The following ADAM2 variants were observed in gnomAD, a reference collection of about 807,000 sequenced individuals.
ADAM2 encodes the protein ADAM metallopeptidase domain 2.
Under a neutral mutation model 99.3 loss-of-function variants are expected in ADAM2, and 101 were observed. The observed-to-expected ratio is 1.02, with a 90% CI of 0.87 to 1.20. The LOEUF is 1.20. Ranked by LOEUF, ADAM2 falls within the 50% of genes most tolerant of loss-of-function variation. ADAM2 has a pLI of 0.00. For synonymous variants in ADAM2, 323 were observed against 287.6 expected (o/e 1.12, Z -1.25); for missense variants, 948 against 878.7 (o/e 1.08, Z -1.00).
intron 15 of ADAM2, among the ~76,000 whole-genome samples, chr8:39,756,985 T>C (rs192640934): frequency 1.3e-5 from 2 of 152,352 alleles, no homozygotes; most frequent in African/African-American, 4.8e-5. Flanking sequence ...TGACTATTGC[T>C]TCTTTAGCAA....
At chr8:39,835,963 A>AT (rs1314641432) in intron 2 of ADAM2, among the ~76,000 whole-genome samples, 1 of 151,878 alleles carries the variant, frequency 6.6e-6, no homozygotes, top group African/African-American at 2.4e-5. Context: ...CCCTTGCACT[A>AT]TTTTTTTGTT....
chr8:39,811,491 C>T (rs1478656939), intron 6 of ADAM2, among the ~76,000 whole-genome samples: 16 of 152,176 alleles, frequency 1.1e-4, no homozygotes, highest in Non-Finnish European at 7.3e-5. Context: ...AAATTTTAGA[C>T]CAATATTCCT....
chr8:39,747,811 TAA>T (rs1823535552), intron 18 of ADAM2, among the ~76,000 whole-genome samples: 1 of 152,176 alleles, frequency 6.6e-6, no homozygotes. Context: ...CACTTCATAA[TAA>T]TGGTTTCACT....
Position 39,746,470 on chromosome 8 carries a change from A to G in ADAM2, c.2174+2T>C, listed in dbSNP as rs374059159. 2.3e-5 allele frequency: 36 copies of G among 1,548,316 alleles called. No individual in the cohort carries two copies. The highest frequency in any genetic ancestry group is 3.0e-5 in the Non-Finnish European group (34 of 1,150,564). On this transcript the variant is annotated splice_donor_variant, in intron 19 of 20. Transcript: ENST00000265708. LOFTEE classifies it high-confidence loss of function. ...CAAATCTTAAATATGAAATCAATATACTCATCGCTTGAATAGTCCTCAGTT... is the reference window on the plus strand; with the variant it reads ...CAAATCTTAAATATGAAATCAATATGCTCATCGCTTGAATAGTCCTCAGTT...
At chr8:39,797,109 A>G (rs1803993900) in intron 7 of ADAM2, among the ~76,000 whole-genome samples, 2 of 152,140 alleles carry the variant, frequency 1.3e-5, no homozygotes, top group Admixed American at 1.3e-4. Context: ...TATTTTTGTC[A>G]AGAAGTCTTC....
chr8:39,749,337 A>G lies in ADAM2; in HGVS notation c.1989T>C (p.Pro663=), dbSNP rs373476845. 6.2e-7 allele frequency: 1 copy of G among 1,612,836 alleles called. No homozygotes were observed. The highest frequency in any genetic ancestry group is 1.3e-5 in the African/African-American group (1 of 74,880). The change falls in exon 18 of 21, where the codon CCT becomes CCC. Residue 663 remains proline (P), a synonymous_variant. Transcript: ENST00000265708. The stretch of plus-strand genomic sequence containing the variant: ...CAGGGAGTCTGGCTGGTATAGCTAC[A>G]GGTGGAAAATTGCCACTGTCAATAC... ...GGSIDSGNFP[P]VAIPARLPER...
At position 39,791,085 on chromosome 8, in the gene ADAM2, C is replaced by T. The variant is rs114664281; in HGVS notation, c.571-2345G>A. 4.7e-3 allele frequency among the ~76,000 whole-genome samples: 717 copies of T among 151,426 alleles called. 7 individuals carry two copies. The highest frequency in any genetic ancestry group is 0.016 in the African/African-American group (644 of 41,348). On this transcript the variant is annotated intron_variant, in intron 7 of 20. Transcript: ENST00000265708. ...AAAAAAAAAAAAGGATGTAAGGCCT[C>T]GAATGGGGTGACTTATGCTAAAGTT...
At chr8:39,806,703 A>G (rs1804456665) in intron 7 of ADAM2, among the ~76,000 whole-genome samples, 1 of 152,098 alleles carries the variant, frequency 6.6e-6, no homozygotes, top group Non-Finnish European at 1.5e-5. Context: ...AAAATGATAG[A>G]GAAACTGTAA....
At chr8:39,786,571 A>G (rs1178364952) in intron 10 of ADAM2, among the ~76,000 whole-genome samples, 1 of 152,176 alleles carries the variant, frequency 6.6e-6, no homozygotes, top group African/African-American at 2.4e-5. Context: ...TACCCTATGA[A>G]GCATTTTAAG....
intron 1 of ADAM2, 22 bp downstream of exon 1, chr8:39,838,109 G>C: frequency 6.2e-7 from 1 of 1,613,898 alleles, no homozygotes; most frequent in Non-Finnish European, 8.5e-7. Context: ...CAAAAGGCCA[G>C]AGGAGGGGTT....
chr8:39,795,823 T>C (rs969487145), intron 7 of ADAM2, among the ~76,000 whole-genome samples: 1 of 152,120 alleles, frequency 6.6e-6, no homozygotes, highest in Non-Finnish European at 1.5e-5. Flanking sequence ...TTTTATATGG[T>C]ATAAAGAAGC....
chr8:39,782,314 A>T (rs745669668), intron 10 of ADAM2, among the ~76,000 whole-genome samples: 1 of 152,176 alleles, frequency 6.6e-6, no homozygotes, highest in Non-Finnish European at 1.5e-5. Flanking sequence ...TTCATCTTGT[A>T]TTCCTAGAAT....
At chr8:39,767,703 A>T (rs1802625205) in intron 12 of ADAM2, among the ~76,000 whole-genome samples, 1 of 151,992 alleles carries the variant, frequency 6.6e-6, no homozygotes, top group Non-Finnish European at 1.5e-5. Context: ...TTCATTTTTA[A>T]CTCCCTAATT....
At chr8:39,833,322 C>T (rs192161458) in intron 3 of ADAM2, among the ~76,000 whole-genome samples, 1 of 151,940 alleles carries the variant, frequency 6.6e-6, no homozygotes, top group Non-Finnish European at 1.5e-5. Flanking sequence ...GATATGGATG[C>T]GTTTTTGATT....
intron 7 of ADAM2, among the ~76,000 whole-genome samples, chr8:39,795,043 TA>T (rs59154527): frequency 3.3e-5 from 5 of 151,350 alleles, no homozygotes; most frequent in East Asian, 1.9e-4. Flanking sequence ...CTTTATCTAC[TA>T]AAAAAAAATC....
intron 12 of ADAM2, among the ~76,000 whole-genome samples, chr8:39,767,774 C>A (rs995872644): frequency 6.6e-6 from 1 of 152,042 alleles, no homozygotes; most frequent in Non-Finnish European, 1.5e-5. Context: ...ATATCATTCA[C>A]TCATATCTTA....
chr8:39,831,948 A>G (rs951225294), intron 3 of ADAM2, among the ~76,000 whole-genome samples: 15 of 152,192 alleles, frequency 9.9e-5, no homozygotes, highest in African/African-American at 3.6e-4. Context: ...AAGAATCTCC[A>G]TGATTCATGC....
intron 14 of ADAM2, among the ~76,000 whole-genome samples, chr8:39,765,167 G>A (rs1802522706): frequency 6.6e-6 from 1 of 152,196 alleles, no homozygotes; most frequent in Non-Finnish European, 1.5e-5. Context: ...GGAAGTGAAA[G>A]CTAAGGCTGT....
intron 7 of ADAM2, among the ~76,000 whole-genome samples, chr8:39,801,590 C>T (rs953252223): frequency 6.6e-6 from 1 of 152,196 alleles, no homozygotes; most frequent in Non-Finnish European, 1.5e-5. Flanking sequence ...ATCTGGGCTG[C>T]TCGGATAACT....
Sources: gnomAD v4.1 joint callset for allele counts (sites outside exome capture counted in the v4.1 genomes callset) on GRCh38, gnomAD v4.1.1 for gene constraint, MANE v1.5 for transcripts, NCBI Gene and HGNC (gene_info 2026-07-23, HGNC 2026-07-21) for gene names.